The following INPP4B variants were observed in gnomAD, a reference collection of about 807,000 sequenced individuals.
The protein encoded by INPP4B is inositol polyphosphate 4-phosphatase type II.
Under a neutral mutation model 122.5 loss-of-function variants are expected in INPP4B, and 55 were observed. That is an observed-to-expected ratio of 0.45 (90% confidence interval 0.36 to 0.56). INPP4B has a LOEUF of 0.56. Among genes scored for constraint, INPP4B ranks in the 20% least tolerant of loss-of-function variants. The pLI is 0.00. For synonymous variants in INPP4B, 403 were observed against 388.7 expected, an observed-to-expected ratio of 1.04 and a Z score of -0.43; for missense variants, 1,000 against 1,097.7, an observed-to-expected ratio of 0.91 and a Z score of 1.26.
intron 25 of INPP4B, among the ~76,000 whole-genome samples, chr4:142,043,233 G>T (rs539747478): frequency 6.6e-6 from 1 of 152,128 alleles, no homozygotes; most frequent in Admixed American, 6.5e-5. Context: ...TCAGCTCCTG[G>T]AAATGATGCA....
At chr4:142,765,190 C>T (rs969481175) in intron 1 of INPP4B, among the ~76,000 whole-genome samples, 6 of 152,028 alleles carry the variant, frequency 3.9e-5, no homozygotes, top group Admixed American at 6.6e-5. Flanking sequence ...AATGGAATGG[C>T]CCCAAATTAG....
intron 2 of INPP4B, among the ~76,000 whole-genome samples, chr4:142,603,797 C>G (rs549207038): frequency 7.2e-5 from 11 of 152,104 alleles, no homozygotes; most frequent in South Asian, 6.2e-4. Flanking sequence ...TAAAGAAGAA[C>G]TGATACCAGT....
At chr4:142,646,547 C>T (rs1421248512) in intron 2 of INPP4B, among the ~76,000 whole-genome samples, 1 of 152,138 alleles carries the variant, frequency 6.6e-6, no homozygotes, top group Non-Finnish European at 1.5e-5. Flanking sequence ...ATTATGAGGA[C>T]AGAATGTTGA....
At chr4:142,031,051 T>A (rs1739661422) in intron 25 of INPP4B, among the ~76,000 whole-genome samples, 1 of 152,160 alleles carries the variant, frequency 6.6e-6, no homozygotes, top group African/African-American at 2.4e-5. Flanking sequence ...CTAGATTGTT[T>A]ACTTTCTGTG....
At chr4:142,176,411 C>G (rs533680819) in intron 15 of INPP4B, among the ~76,000 whole-genome samples, 2 of 151,976 alleles carry the variant, frequency 1.3e-5, no homozygotes, top group Non-Finnish European at 2.9e-5. Context: ...CTCATACACT[C>G]ACTTCTATCC....
At chr4:142,308,620 A>G (rs1464351381) in intron 8 of INPP4B, among the ~76,000 whole-genome samples, 1 of 152,136 alleles carries the variant, frequency 6.6e-6, no homozygotes, top group Non-Finnish European at 1.5e-5. Flanking sequence ...GAATGAGAAG[A>G]GTCTTCTCTA....
intron 25 of INPP4B, among the ~76,000 whole-genome samples, chr4:142,076,208 C>T (rs528300864): frequency 1.3e-5 from 2 of 151,986 alleles, no homozygotes; most frequent in Non-Finnish European, 2.9e-5. Flanking sequence ...AATACTATGA[C>T]AATCTTGTCA....
At chr4:142,476,044 G>C (rs1819726111) in intron 2 of INPP4B, among the ~76,000 whole-genome samples, 1 of 152,118 alleles carries the variant, frequency 6.6e-6, no homozygotes, top group South Asian at 2.1e-4. Context: ...ATAATTATCA[G>C]ATTCTTCAAT....
In INPP4B at chr4:142,082,129, C is replaced by T. The variant is rs148110930; in HGVS notation, c.2544G>A (p.Arg848=). Residue 848 remains arginine, a synonymous_variant, in exon 25 of 26, where the codon AGG becomes AGA. Coordinates refer to ENST00000262992, the MANE Select transcript of INPP4B (RefSeq NM_001101669.3). The stretch of plus-strand genomic sequence containing the variant: ...GTTCAAGTGTCACTGACATCGATGT[C>T]CTGTCTTTGGCACTTTTACAACAGG... ...RFTCCKSAKD[R]TSMSVTLEQC... is the part of the protein sequence containing the mutation. The T allele has an allele frequency of 1.4e-4, 221 of 1,541,454 alleles. No individual in the cohort carries two copies. The highest frequency in any genetic ancestry group is 2.8e-5 in the Non-Finnish European group (31 of 1,126,938).
chr4:142,451,630 T>C (rs1356324227), intron 3 of INPP4B, among the ~76,000 whole-genome samples: 5 of 152,212 alleles, frequency 3.3e-5, no homozygotes, highest in Admixed American at 2.6e-4. Flanking sequence ...GATAATAGTT[T>C]CTTTTATTGC....
chr4:142,378,003 G>C (rs1792653798), intron 7 of INPP4B, among the ~76,000 whole-genome samples: 3 of 152,102 alleles, frequency 2.0e-5, no homozygotes, highest in Admixed American at 2.0e-4. Context: ...CACTAGGAAA[G>C]AATCCCTGAG....
chr4:142,234,444 T>C (rs999395007), intron 12 of INPP4B, among the ~76,000 whole-genome samples: 3 of 152,204 alleles, frequency 2.0e-5, no homozygotes, highest in African/African-American at 7.2e-5. Flanking sequence ...AGATTTCTTA[T>C]TCTGTTTTAC....
intron 2 of INPP4B, among the ~76,000 whole-genome samples, chr4:142,722,024 A>C (rs749376191): frequency 1.2e-4 from 19 of 152,190 alleles, no homozygotes; most frequent in Non-Finnish European, 2.1e-4. Context: ...CGTGGCTGGC[A>C]GAAAGATCTT....
intron 11 of INPP4B, among the ~76,000 whole-genome samples, chr4:142,241,833 C>T (rs1353088272): frequency 1.3e-5 from 2 of 152,098 alleles, no homozygotes; most frequent in African/African-American, 4.8e-5. Flanking sequence ...AAAGCTCAAA[C>T]ATTTATTTCA....
At chr4:142,227,095 G>A (rs963457220) in intron 12 of INPP4B, among the ~76,000 whole-genome samples, 3 of 152,230 alleles carry the variant, frequency 2.0e-5, no homozygotes, top group Middle Eastern at 3.4e-3. Context: ...TAGCATGTAG[G>A]TAATGATGAA....
chr4:142,556,836 G>C (rs115256590), intron 2 of INPP4B, among the ~76,000 whole-genome samples: 1 of 152,122 alleles, frequency 6.6e-6, no homozygotes, highest in Non-Finnish European at 1.5e-5. Context: ...GGAAAGTATC[G>C]ATTGCAGTTT....
intron 7 of INPP4B, among the ~76,000 whole-genome samples, chr4:142,321,638 T>C (rs1770077599): frequency 6.6e-6 from 1 of 152,156 alleles, no homozygotes; most frequent in Non-Finnish European, 1.5e-5. Context: ...GTTTCATTCT[T>C]TTACATGTGA....
At chr4:142,214,643 C>A (rs931399339) in intron 12 of INPP4B, among the ~76,000 whole-genome samples, 2 of 152,170 alleles carry the variant, frequency 1.3e-5, no homozygotes, top group African/African-American at 4.8e-5. Flanking sequence ...ACCTCCACCT[C>A]CCTGGTTCCA....
chr4:142,082,485 C>T (rs1363047958), intron 24 of INPP4B, among the ~76,000 whole-genome samples: 1 of 152,162 alleles, frequency 6.6e-6, no homozygotes, highest in Non-Finnish European at 1.5e-5. Flanking sequence ...GGTGCCTGGT[C>T]TGCAGTGTAG....
Sources: allele counts gnomAD v4.1 joint callset (sites outside exome capture counted in the v4.1 genomes callset), GRCh38; gene constraint gnomAD v4.1.1; transcripts MANE v1.5; gene names NCBI Gene and HGNC (gene_info 2026-07-23, HGNC 2026-07-21).